EML5: variants seen among roughly 807,000 people sequenced by gnomAD.
EML5 encodes the protein echinoderm microtubule-associated protein-like 5.
In EML5, 120 loss-of-function variants were observed where a neutral mutation model predicts 250.0. The ratio of observed to expected loss-of-function variants is 0.48; its 90% confidence interval spans 0.41 to 0.56. The LOEUF is 0.56. EML5 is among the 20% of genes least tolerant of loss of function. EML5 has a pLI of 0.00. For missense variants in EML5, 2,006 were observed against 2,437.6 expected (o/e 0.82, Z 3.73); for synonymous variants, 771 against 806.5 (o/e 0.96, Z 0.75).
At chr14:88,712,737 T>G (rs1276303799) in intron 9 of EML5, among the ~76,000 whole-genome samples, 2 of 152,176 alleles carry the variant, frequency 1.3e-5, no homozygotes, top group African/African-American at 4.8e-5. Context: ...CTTAGCAGGT[T>G]CAATTATGTG....
At chr14:88,751,503 AAG>A (rs1418256110) in intron 2 of EML5, among the ~76,000 whole-genome samples, 4 of 150,362 alleles carry the variant, frequency 2.7e-5, no homozygotes, top group Admixed American at 6.6e-5. Flanking sequence ...AGTCAAGAGG[AAG>A]AGTTTTTTTT....
In EML5 at chr14:88,630,023, ATTTT is replaced by A. The variant is rs58382081; in HGVS notation, c.4358-2208_4358-2205del. Among the ~76,000 whole-genome samples, 13 of 84,234 alleles carry A rather than the reference ATTTT, an allele frequency of 1.5e-4. No homozygotes were observed. The South Asian group carries it at 1.6e-3, about 11-fold the overall frequency. 55.3% of individuals were successfully genotyped at this position (84,234 alleles called of 152,430 possible). A position where few individuals can be genotyped will look rare whatever the true frequency, so the allele number is the denominator to read the frequency against. Reference sequence around the variant, plus strand: ...TTTGATGCAGTATAATAAAAACTGTATTTTTTTTTTTTTTTTTTTTTTTTGAGAT... The same window carrying A: ...TTTGATGCAGTATAATAAAAACTGTATTTTTTTTTTTTTTTTTTTTGAGAT... On this transcript the variant is annotated intron_variant, in intron 33 of 43. Transcript: ENST00000554922.
Position 88,620,595 on chromosome 14 carries a change from A to T in EML5, c.5375+159T>A, listed in dbSNP as rs976296338. 3.1e-5 allele frequency: 17 copies of T among 555,776 alleles called. No homozygotes were observed. The highest frequency in any genetic ancestry group is 4.9e-4 in the Middle Eastern group (1 of 2,022). 34.4% of individuals were successfully genotyped at this position (555,776 alleles called of 1,614,324 possible). Reference sequence around the variant, plus strand: ...GGTTTATAATTTAGCAAGAAGAATTAAGTAGTATACAAACAGCCATATTTT... The same window carrying T: ...GGTTTATAATTTAGCAAGAAGAATTTAGTAGTATACAAACAGCCATATTTT... On this transcript the variant is annotated intron_variant, in intron 39 of 43. Coordinates refer to ENST00000554922, the MANE Select transcript of EML5 (RefSeq NM_183387.3). The surrounding 1 kb of genome is among the most constrained non-coding windows in gnomAD (Gnocchi z 4.3).
chr14:88,753,142 G>A (rs1046117826), intron 2 of EML5, among the ~76,000 whole-genome samples: 1 of 152,174 alleles, frequency 6.6e-6, no homozygotes, highest in Non-Finnish European at 1.5e-5. Flanking sequence ...GGGCTCCAGA[G>A]GTTGTGGGTA....
At chr14:88,631,868 C>T (rs571696724) in intron 33 of EML5, among the ~76,000 whole-genome samples, 1 of 152,284 alleles carries the variant, frequency 6.6e-6, no homozygotes, top group East Asian at 1.9e-4. Flanking sequence ...TATTTATTCT[C>T]CCACATTGCA....
At position 88,712,287 on chromosome 14, in the gene EML5, A is replaced by G; in HGVS notation, c.1641T>C (p.Tyr547=). 6.2e-7 allele frequency: 1 copy of G among 1,609,394 alleles called. No homozygotes were observed. Among genetic ancestry groups the G allele is most frequent in the Non-Finnish European group, 8.5e-7 (1 of 1,177,330 alleles). The change falls in exon 10 of 44, where the codon TAT becomes TAC. Residue 547 remains tyrosine (Y), a synonymous_variant. Coordinates refer to ENST00000554922, the MANE Select transcript of EML5 (RefSeq NM_183387.3). ...AAAAGGTACCTTTTCTTAAACATGG[A>G]TATCGGAATAATTTTATAATTCCAT... ...DDYGIIKLFR[Y]PCLRKGAKFR... is the part of the protein sequence containing the mutation.
intron 1 of EML5, among the ~76,000 whole-genome samples, chr14:88,759,275 G>A (rs2094204756): frequency 6.6e-6 from 1 of 152,082 alleles, no homozygotes; most frequent in East Asian, 1.9e-4. Flanking sequence ...TCAAAATTCT[G>A]GCTCTGCTCT....
At chr14:88,699,223 A>G (rs1460786263) in intron 14 of EML5, among the ~76,000 whole-genome samples, 1 of 151,980 alleles carries the variant, frequency 6.6e-6, no homozygotes, top group African/African-American at 2.4e-5. Flanking sequence ...GTTTTCCAAG[A>G]CGAAGGAACT....
chr14:88,622,943 C>G lies in EML5; in HGVS notation c.4899-225G>C, dbSNP rs200473832. On this transcript the variant is annotated intron_variant, in intron 36 of 43. Coordinates refer to ENST00000554922, the MANE Select transcript of EML5 (RefSeq NM_183387.3). ...AGTGAATTTTATTTTGAGAAATACT[C>G]TTTTTTTCTGACATGAGCATAATTT... 2.2e-4 allele frequency: 85 copies of G among 389,050 alleles called. No homozygotes were observed. In the East Asian group the frequency reaches 3.3e-3, roughly 15 times the overall value. 24.1% of individuals were successfully genotyped at this position (389,050 alleles called of 1,614,324 possible).
chr14:88,684,154 T>A (rs1276621938), intron 20 of EML5, among the ~76,000 whole-genome samples: 3 of 150,772 alleles, frequency 2.0e-5, no homozygotes, highest in East Asian at 3.9e-4. Flanking sequence ...TGCATTTTGA[T>A]ACACTAGAAA....
intron 6 of EML5, 89 bp from the exon 7 acceptor site, chr14:88,736,654 G>A (rs1017152318): frequency 6.2e-6 from 8 of 1,294,314 alleles, no homozygotes; most frequent in Admixed American, 2.0e-5. Context: ...ATAGGGGCAA[G>A]TCCCGGTGAA....
intron 8 of EML5, among the ~76,000 whole-genome samples, chr14:88,721,291 T>C (rs987140349): frequency 3.9e-5 from 6 of 151,938 alleles, no homozygotes; most frequent in Non-Finnish European, 8.8e-5. Context: ...GGAACCAAAA[T>C]AGAGCCCGTA....
rs1287867554 is a variant in EML5, at chr14:88,620,585, AAG to A, written c.5375+167_5375+168del. 1.9e-6 allele frequency: 1 copy of A among 518,416 alleles called. No individual in the cohort carries two copies. Among genetic ancestry groups the A allele is most frequent in the East Asian group, 3.3e-5 (1 of 30,070 alleles). The allele number at this position is 518,416 out of a possible 1,614,324, so 32.1% of individuals were successfully genotyped here. A position where few individuals can be genotyped will look rare whatever the true frequency, so the allele number is the denominator to read the frequency against. ...GTGCCCAGTGGGTTTATAATTTAGC[AAG>A]AAGAATTAAGTAGTATACAAACAGC... On this transcript the variant is annotated intron_variant, in intron 39 of 43. Transcript: ENST00000554922. This position sits in a 1 kb window ranked among gnomAD's most constrained non-coding sequence, Gnocchi z 4.3.
At chr14:88,724,022 G>A (rs2093628891) in intron 8 of EML5, among the ~76,000 whole-genome samples, 1 of 151,932 alleles carries the variant, frequency 6.6e-6, no homozygotes, top group Non-Finnish European at 1.5e-5. Context: ...TGTAATCCCA[G>A]CACTCTGGGA....
chr14:88,792,485 G>T lies in EML5; in HGVS notation c.19C>A (p.Pro7Thr). The change falls in exon 1 of 44, where the codon CCG (proline) becomes ACG (threonine). Residue 7 changes from proline (P) to threonine (T), a missense_variant. Pro to Thr is a conservative substitution (Grantham distance 38). Around this residue, in one of 7 missense-constraint regions of EML5, gnomAD observed 162 missense variants for 212.2 expected, o/e 0.76. Coordinates refer to ENST00000554922, the MANE Select transcript of EML5 (RefSeq NM_183387.3). The surrounding 1 kb of genome is among the most constrained non-coding windows in gnomAD (Gnocchi z 6.9). ...CACTCGAGCCGCAGGTGGCAGCTCGGGGCGCTCCGGGCCGCCATGTCGGGG... is the reference window on the plus strand; with the variant it reads ...CACTCGAGCCGCAGGTGGCAGCTCGTGGCGCTCCGGGCCGCCATGTCGGGG... MAARSAPSCHLRLEWVY... is the reference protein window; with the variant it reads MAARSATSCHLRLEWVY... 6.9e-7 allele frequency: 1 copy of T among 1,450,048 alleles called. No individual in the cohort carries two copies. Among genetic ancestry groups the T allele is most frequent in the African/African-American group, 1.5e-5 (1 of 68,492 alleles). The allele number at this position is 1,450,048 out of a possible 1,614,324, so 89.8% of individuals were successfully genotyped here.
intron 16 of EML5, 89 bp from the exon 17 acceptor site, chr14:88,694,496 CTATT>C (rs1367832452): frequency 5.1e-5 from 46 of 900,134 alleles, no homozygotes; most frequent in Non-Finnish European, 7.5e-5. Flanking sequence ...CTTGATTACT[CTATT>C]TACGAATATT....
chr14:88,694,086 T>C (rs1171600682), intron 17 of EML5, among the ~76,000 whole-genome samples: 1 of 151,978 alleles, frequency 6.6e-6, no homozygotes, highest in African/African-American at 2.4e-5. Context: ...GTTGACATCT[T>C]ATATTACCAT....
Position 88,704,922 on chromosome 14 carries a change from A to C in EML5, c.1989T>G (p.Ser663Arg). 1.9e-6 allele frequency: 3 copies of C among 1,613,206 alleles called. No homozygotes were observed. The highest frequency in any genetic ancestry group is 2.5e-6 in the Non-Finnish European group (3 of 1,179,502). Residue 663 changes from serine (S) to arginine (R), a missense_variant, in exon 13 of 44, where the codon AGT (serine) becomes AGG (arginine). By Grantham distance (110) the Ser-to-Arg change is moderately radical. Coordinates refer to ENST00000554922, the MANE Select transcript of EML5 (RefSeq NM_183387.3). ...CCCGCTCTCTTCTTTTAGAAGTAGC[A>C]CTTTTTTGTTTCTCTTTGCACTGTT... ...LKEQCKEKQKSATSKRRERAP... is the reference protein window; with the variant it reads ...LKEQCKEKQKRATSKRRERAP...
At chr14:88,780,188 A>C (rs949491534) in intron 1 of EML5, among the ~76,000 whole-genome samples, 4 of 152,034 alleles carry the variant, frequency 2.6e-5, no homozygotes, top group Admixed American at 1.3e-4. Context: ...CTGACCTCTA[A>C]GTGATCCACC....
Sources: allele counts gnomAD v4.1 joint callset (sites outside exome capture counted in the v4.1 genomes callset), GRCh38; gene constraint gnomAD v4.1.1; regional missense constraint gnomAD v4.1.1; non-coding constraint Gnocchi (gnomAD v3.1); transcripts MANE v1.5; gene names NCBI Gene and HGNC (gene_info 2026-07-23, HGNC 2026-07-21).